Variants in LRP1B observed in about 807,000 individuals in gnomAD.
LRP1B encodes the protein low-density lipoprotein receptor-related protein 1B.
Under a neutral mutation model 556.6 loss-of-function variants are expected in LRP1B, and 217 were observed. The ratio of observed to expected loss-of-function variants is 0.39; its 90% CI spans 0.35 to 0.44. The LOEUF (loss-of-function observed/expected upper bound fraction) is 0.44. LRP1B is among the 20% of genes least tolerant of loss of function. The pLI, the probability that LRP1B is intolerant of heterozygous loss-of-function variation, is 1.00. For missense variants in LRP1B, 5,053 were observed against 5,620.8 expected (o/e 0.90, Z 3.23); for synonymous variants, 2,047 against 1,865.8 (o/e 1.10, Z -2.50).
intron 2 of LRP1B, among the ~76,000 whole-genome samples, chr2:141,802,568 A>G (rs1390345763): frequency 6.6e-6 from 1 of 152,170 alleles, no homozygotes; most frequent in Non-Finnish European, 1.5e-5. Context: ...AAAATTCCAT[A>G]GGCAGAGAGT....
intron 66 of LRP1B, among the ~76,000 whole-genome samples, chr2:140,421,719 T>C (rs1430792474): frequency 1.3e-5 from 2 of 152,206 alleles, no homozygotes; most frequent in Non-Finnish European, 2.9e-5. Context: ...TTACTTCTTT[T>C]TAACCTCTCA....
intron 7 of LRP1B, among the ~76,000 whole-genome samples, chr2:141,078,938 T>A (rs971220862): frequency 3.4e-4 from 52 of 152,176 alleles, no homozygotes; most frequent in Non-Finnish European, 6.3e-4. Flanking sequence ...TAAAGTATAA[T>A]AGAGACCTAG....
At chr2:141,014,858 T>A (rs973271981) in intron 13 of LRP1B, among the ~76,000 whole-genome samples, 4 of 152,138 alleles carry the variant, frequency 2.6e-5, no homozygotes, top group African/African-American at 9.6e-5. Context: ...ATATTTACAG[T>A]ATTGTTAGCA....
intron 43 of LRP1B, among the ~76,000 whole-genome samples, chr2:140,549,792 C>T (rs894007663): frequency 2.0e-5 from 3 of 151,902 alleles, no homozygotes; most frequent in South Asian, 4.1e-4. Context: ...GAGATGGTGG[C>T]GGCCTTGCAT....
chr2:141,566,606 A>C (rs925098728), intron 2 of LRP1B, among the ~76,000 whole-genome samples: 1 of 152,196 alleles, frequency 6.6e-6, no homozygotes, highest in African/African-American at 2.4e-5. Flanking sequence ...TATCTAATAA[A>C]TATAAAATCT....
intron 2 of LRP1B, among the ~76,000 whole-genome samples, chr2:141,582,889 G>T (rs1687000462): frequency 8.1e-6 from 1 of 123,724 alleles, no homozygotes; most frequent in Admixed American, 1.1e-4. Flanking sequence ...AGGCTAGAGT[G>T]CAGTGGCCTG....
intron 1 of LRP1B, among the ~76,000 whole-genome samples, chr2:141,846,026 G>GAA (rs1038431390): frequency 6.6e-6 from 1 of 151,522 alleles, no homozygotes; most frequent in Admixed American, 6.6e-5. Context: ...GAGAGAGAGA[G>GAA]AACAGTTGAG....
intron 68 of LRP1B, among the ~76,000 whole-genome samples, chr2:140,376,571 G>A (rs931023440): frequency 1.3e-5 from 2 of 151,652 alleles, no homozygotes; most frequent in South Asian, 2.1e-4. Flanking sequence ...TCTCCTTTGT[G>A]TTTAAAAAAA....
intron 43 of LRP1B, among the ~76,000 whole-genome samples, chr2:140,588,847 TA>T (rs56036727): frequency 0.95 from 144,674 of 152,016 alleles, 69,197 homozygotes; most frequent in East Asian, 1. Context: ...TAGTCCCAGC[TA>T]ACTCGGGAGG....
intron 3 of LRP1B, among the ~76,000 whole-genome samples, chr2:141,269,313 C>T (rs1685002835): frequency 1.3e-5 from 2 of 152,078 alleles, no homozygotes; most frequent in African/African-American, 2.4e-5. Flanking sequence ...GGGTTTAGAA[C>T]AAAGCTCTAA....
chr2:141,744,915 A>G (rs986536059), intron 2 of LRP1B, among the ~76,000 whole-genome samples: 2 of 152,216 alleles, frequency 1.3e-5, no homozygotes, highest in African/African-American at 4.8e-5. Context: ...TCTTAAGCCC[A>G]GTAATACTGT....
intron 7 of LRP1B, among the ~76,000 whole-genome samples, chr2:141,121,815 C>G (rs954015048): frequency 2.0e-5 from 3 of 151,994 alleles, no homozygotes; most frequent in East Asian, 1.9e-4. Flanking sequence ...AGCAAAAGAA[C>G]AAAGCTGGAG....
chr2:141,331,719 G>T (rs1023106595), intron 3 of LRP1B, among the ~76,000 whole-genome samples: 2 of 152,012 alleles, frequency 1.3e-5, no homozygotes, highest in Admixed American at 1.3e-4. Context: ...TCTTTGTACT[G>T]TACTGTAATG....
chr2:140,831,452 G>A (rs910429187), intron 31 of LRP1B, among the ~76,000 whole-genome samples: 3 of 152,068 alleles, frequency 2.0e-5, no homozygotes, highest in African/African-American at 4.8e-5. Context: ...AATAGTGCTG[G>A]GAAAACTAGA....
rs901972866 is a variant in LRP1B, at chr2:141,614,942, A to G, written c.206-134409T>C. On this transcript the variant is annotated intron_variant, in intron 2 of 90. Transcript: ENST00000389484. The stretch of plus-strand genomic sequence containing the variant: ...ACTGCATCCTGGTATAATAACGTGG[A>G]AGTGGCTTTGGAATTGGGTAATGGG... 1.4e-4 allele frequency among the ~76,000 whole-genome samples: 22 copies of G among 152,310 alleles called. 1 individual carries two copies. Among genetic ancestry groups the G allele is most frequent in the Admixed American group, 1.4e-3 (22 of 15,298 alleles).
intron 1 of LRP1B, among the ~76,000 whole-genome samples, chr2:141,928,988 G>T (rs1458143342): frequency 2.0e-5 from 3 of 152,142 alleles, no homozygotes; most frequent in Admixed American, 2.0e-4. Context: ...GCATATTCCT[G>T]TTGAGAAATA....
rs2104881940 is a variant in LRP1B at position 140,238,282 on chromosome 2, C to T, written c.13430G>A (p.Arg4477Lys). 6.5e-7 allele frequency: 1 copy of T among 1,542,056 alleles called. No individual in the cohort carries two copies. The highest frequency in any genetic ancestry group is 8.9e-7 in the Non-Finnish European group (1 of 1,119,278). ...TCCTCCATTGATAATAGGTTGTCTT[C>T]TAATTGTTTTTGTCCTAGAATATAT... is the stretch of plus-strand genomic sequence containing the variant. The part of the protein sequence containing the change: ...CKRKRRTKTI[R>K]RQPIINGGIN... The change falls in exon 89 of 91, where the codon AGA (arginine) becomes AAA (lysine). Residue 4477 changes from arginine (R) to lysine (K), a missense_variant. Physicochemically the swap from Arg to Lys is conservative, Grantham distance 26. This residue lies in a region of LRP1B where 551 missense variants were observed against 592.0 expected (regional missense o/e 0.93). Coordinates refer to ENST00000389484, the MANE Select transcript of LRP1B (RefSeq NM_018557.3).
chr2:141,486,999 T>G (rs4441406), intron 2 of LRP1B, among the ~76,000 whole-genome samples: 4 of 152,092 alleles, frequency 2.6e-5, no homozygotes, highest in Admixed American at 6.6e-5. Context: ...TCTTAGAACA[T>G]TTTCCACCAT....
At chr2:141,047,127 T>C (rs16845210) in intron 11 of LRP1B, among the ~76,000 whole-genome samples, 16,080 of 151,782 alleles carry the variant, frequency 0.11, 917 homozygotes, top group African/African-American at 0.13. Context: ...ACGTAAATTT[T>C]ATCTACTTAG....
Sources: gnomAD v4.1 joint callset for allele counts (sites outside exome capture counted in the v4.1 genomes callset) on GRCh38, gnomAD v4.1.1 for gene constraint, gnomAD v4.1.1 regional missense constraint, MANE v1.5 for transcripts, NCBI Gene and HGNC (gene_info 2026-07-23, HGNC 2026-07-21) for gene names.